Variants in SGCD observed in about 807,000 individuals in gnomAD.
SGCD encodes sarcoglycan delta.
A neutral mutation model predicts 36.6 loss-of-function variants in SGCD; 18 were observed. The observed-to-expected ratio is 0.49, with a 90% confidence interval of 0.34 to 0.73. SGCD has a LOEUF of 0.73. Among genes scored for constraint, SGCD ranks in the 30% least tolerant of loss-of-function variants. SGCD has a pLI of 0.01. For synonymous variants in SGCD, 133 were observed against 130.6 expected, an observed-to-expected ratio of 1.02 and a Z score of -0.12; for missense variants, 387 against 346.7, an observed-to-expected ratio of 1.12 and a Z score of -0.92.
chr5:155,957,694 C>A (rs945726866), intron 1 of SGCD, among the ~76,000 whole-genome samples: 2 of 152,060 alleles, frequency 1.3e-5, no homozygotes, highest in Non-Finnish European at 2.9e-5. Flanking sequence ...ACCTAAGGAC[C>A]CTTGTGATTA....
intron 7 of SGCD, among the ~76,000 whole-genome samples, chr5:156,724,911 G>GT (rs928784179): frequency 5.9e-5 from 9 of 152,164 alleles, no homozygotes; most frequent in Non-Finnish European, 1.2e-4. Flanking sequence ...GAATGTGTTT[G>GT]TTTTTTTGTA....
chr5:156,072,531 T>A (rs1012185062), intron 1 of SGCD, among the ~76,000 whole-genome samples: 2 of 151,746 alleles, frequency 1.3e-5, no homozygotes, highest in African/African-American at 4.9e-5. Flanking sequence ...CCTTTGAGGG[T>A]AACCCGACCT....
At chr5:156,139,136 A>G (rs575656600) in intron 3 of SGCD, among the ~76,000 whole-genome samples, 46 of 152,188 alleles carry the variant, frequency 3.0e-4, no homozygotes, top group African/African-American at 1.1e-3. Context: ...TTGACTTTTC[A>G]TTTTTTAAAT....
rs964222209 is a variant in SGCD, at chr5:156,054,326, C to T, written c.-281-63552C>T. Among the ~76,000 whole-genome samples, 7 of 137,566 alleles carry T rather than the reference C, an allele frequency of 5.1e-5. 2 individuals are homozygous for T. The highest frequency in any genetic ancestry group is 1.9e-4 in the East Asian group (1 of 5,140). 90.2% of individuals were successfully genotyped at this position (137,566 alleles called of 152,430 possible). Reference sequence around the variant, plus strand: ...TTTGAGACAGAGTCTCGCTCTGTGGCCCAGGCTGGAGTGCAGTGGCGCGAT... The same window carrying T: ...TTTGAGACAGAGTCTCGCTCTGTGGTCCAGGCTGGAGTGCAGTGGCGCGAT... On this transcript the variant is annotated intron_variant, in intron 1 of 9. Transcript: ENST00000517913.
upstream of SGCD, among the ~76,000 whole-genome samples, chr5:155,866,445 T>A (rs1755526360): frequency 6.6e-6 from 1 of 152,184 alleles, no homozygotes; most frequent in South Asian, 2.1e-4. Flanking sequence ...TGTTCCAGAC[T>A]CCCTGATAAA....
intron 3 of SGCD, among the ~76,000 whole-genome samples, chr5:156,468,874 C>A (rs1306451264): frequency 6.6e-6 from 1 of 152,130 alleles, no homozygotes; most frequent in East Asian, 1.9e-4. Flanking sequence ...TGCCCGTAAT[C>A]CCAACTACTC....
At chr5:156,163,834 C>T (rs1182459113) in intron 3 of SGCD, among the ~76,000 whole-genome samples, 4 of 151,248 alleles carry the variant, frequency 2.6e-5, no homozygotes, top group African/African-American at 7.4e-5. Flanking sequence ...TCCTGGCTAA[C>T]ATGATGAAAC....
chr5:155,891,850 C>G (rs985898502), intron 1 of SGCD, among the ~76,000 whole-genome samples: 4 of 152,072 alleles, frequency 2.6e-5, no homozygotes, highest in Admixed American at 6.5e-5. Context: ...GTTTCCTTAG[C>G]TTCTACTGGC....
At chr5:155,870,025 C>A (rs1441281631), upstream of SGCD, among the ~76,000 whole-genome samples, 1 of 144,456 alleles carries the variant, frequency 6.9e-6, no homozygotes, top group Non-Finnish European at 1.5e-5. Context: ...ACAACAACAA[C>A]AAAAAGGGAA....
intron 6 of SGCD, among the ~76,000 whole-genome samples, chr5:156,624,220 G>A (rs540964555): frequency 1.4e-4 from 22 of 152,128 alleles, no homozygotes; most frequent in African/African-American, 4.8e-4. Context: ...GGTGAAGTTG[G>A]GGAAGAAGCT....
chr5:156,535,679 C>A (rs941889515), intron 4 of SGCD, among the ~76,000 whole-genome samples: 8 of 152,128 alleles, frequency 5.3e-5, no homozygotes, highest in African/African-American at 1.9e-4. Flanking sequence ...GTTTAGAGAG[C>A]ACAAGAATAG....
chr5:156,515,598 C>G (rs2127886786), intron 4 of SGCD, among the ~76,000 whole-genome samples: 1 of 152,320 alleles, frequency 6.6e-6, no homozygotes, highest in South Asian at 2.1e-4. Flanking sequence ...AGCGATTGTG[C>G]TACCCTGCCA....
intron 3 of SGCD, among the ~76,000 whole-genome samples, chr5:156,224,295 T>C (rs537839255): frequency 6.6e-6 from 1 of 152,062 alleles, no homozygotes; most frequent in Non-Finnish European, 1.5e-5. Context: ...GCCTACCTCA[T>C]GATTATCTTT....
chr5:155,766,796 A>G, the SGCD span, among the ~76,000 whole-genome samples: 1 of 152,172 alleles, frequency 6.6e-6, no homozygotes, highest in Non-Finnish European at 1.5e-5. Context: ...ATTAAAACCA[A>G]GGGAGTCTGA....
chr5:156,084,364 G>A lies in SGCD; in HGVS notation c.-281-33514G>A, dbSNP rs549236206. On this transcript the variant is annotated intron_variant, in intron 1 of 9. Transcript: ENST00000517913. Reference sequence around the variant, plus strand: ...CATTTTCTTATGAATGACTATAGATGGTGTTATTGCTTAATTTCAGTTTCT... The same window carrying A: ...CATTTTCTTATGAATGACTATAGATAGTGTTATTGCTTAATTTCAGTTTCT... Among the ~76,000 whole-genome samples, 34 of 152,162 alleles carry A rather than the reference G, an allele frequency of 2.2e-4. 1 individual carries two copies. In the South Asian group the frequency reaches 5.4e-3, roughly 24 times the overall value.
chr5:156,238,576 G>A (rs894441405), intron 3 of SGCD, among the ~76,000 whole-genome samples: 25 of 152,304 alleles, frequency 1.6e-4, no homozygotes, highest in East Asian at 3.9e-4. Flanking sequence ...CTGAGTGCTC[G>A]AAATGTGGGT....
At chr5:156,100,513 T>C (rs560706083) in intron 1 of SGCD, among the ~76,000 whole-genome samples, 1 of 152,212 alleles carries the variant, frequency 6.6e-6, no homozygotes, top group East Asian at 1.9e-4. Flanking sequence ...GACATCTTTA[T>C]TTCTTATAGG....
chr5:156,759,290 A>C lies in SGCD; in HGVS notation c.773A>C (p.Gln258Pro), dbSNP rs1273480304. The C allele has an allele frequency of 6.2e-7, 1 of 1,613,828 alleles. No homozygotes were observed. The highest frequency in any genetic ancestry group is 1.3e-5 in the African/African-American group (1 of 75,050). The change falls in exon 9 of 9, where the codon CAG becomes CCG. Residue 258 changes from glutamine to proline, a missense_variant. Physicochemically the swap from Gln to Pro is moderately conservative, Grantham distance 76 (BLOSUM62 -1). Coordinates refer to ENST00000337851, the MANE Select transcript of SGCD (RefSeq NM_000337.6). ...TCCTACACGCCTACAGGAACGAGGC[A>C]GAAGGTCTTCGAGATCTGCGTCTGC... is the stretch of plus-strand genomic sequence containing the variant. ...HGSYTPTGTR[Q>P]KVFEICVCAN...
chr5:156,285,771 C>T (rs563467348), intron 3 of SGCD, among the ~76,000 whole-genome samples: 3 of 152,124 alleles, frequency 2.0e-5, no homozygotes, highest in Non-Finnish European at 4.4e-5. Context: ...TGGGCAAGGA[C>T]TTCATGTCTA....
Sources: allele counts gnomAD v4.1 joint callset (sites outside exome capture counted in the v4.1 genomes callset), GRCh38; gene constraint gnomAD v4.1.1; transcripts MANE v1.5; gene names NCBI Gene and HGNC (gene_info 2026-07-23, HGNC 2026-07-21).